Variants in QTMAN observed in about 807,000 individuals in gnomAD.
QTMAN encodes the protein queuosine-tRNA mannosyltransferase, also known as tRNA-queuosine alpha-mannosyltransferase.
the QTMAN span, among the ~76,000 whole-genome samples, chr2:144,261,337 G>C: frequency 1.9e-4 from 29 of 152,096 alleles, no homozygotes; most frequent in East Asian, 1.5e-3. Context: ...TTTCGGGGAG[G>C]GGGGGATGAT....
chr2:144,097,944 C>A, the QTMAN span, among the ~76,000 whole-genome samples: 3 of 152,334 alleles, frequency 2.0e-5, no homozygotes, highest in Admixed American at 6.5e-5. Flanking sequence ...TCTCTAAGTC[C>A]TCCATGCGGT....
the QTMAN span, among the ~76,000 whole-genome samples, chr2:144,239,594 T>A: frequency 6.6e-6 from 1 of 152,208 alleles, no homozygotes; most frequent in Non-Finnish European, 1.5e-5. Flanking sequence ...CTAAGCTTCT[T>A]TGGTTAGGGG....
chr2:144,104,167 G>A, the QTMAN span, among the ~76,000 whole-genome samples: 1 of 152,002 alleles, frequency 6.6e-6, no homozygotes, highest in Non-Finnish European at 1.5e-5. Context: ...CCAGTCTACA[G>A]CTCCCAGCGT....
chr2:144,221,312 A>C, the QTMAN span, among the ~76,000 whole-genome samples: 2 of 152,238 alleles, frequency 1.3e-5, no homozygotes, highest in African/African-American at 4.8e-5. Context: ...TCTTTACTGC[A>C]GTCTTTCCCC....
chr2:144,265,682 G>A, the QTMAN span, among the ~76,000 whole-genome samples: 2 of 152,100 alleles, frequency 1.3e-5, no homozygotes, highest in East Asian at 1.9e-4. Flanking sequence ...GCAACAGGGC[G>A]AGACTCCGTC....
At chr2:144,277,650 C>A in the QTMAN span, among the ~76,000 whole-genome samples, 1 of 152,190 alleles carries the variant, frequency 6.6e-6, no homozygotes, top group East Asian at 1.9e-4. Flanking sequence ...GCTTCACCTA[C>A]AAAATTTTTT....
chr2:144,087,669 A>T, the QTMAN span, among the ~76,000 whole-genome samples: 1 of 152,130 alleles, frequency 6.6e-6, no homozygotes, highest in Non-Finnish European at 1.5e-5. Context: ...ATCAATAAAC[A>T]TCATATATCA....
the QTMAN span, among the ~76,000 whole-genome samples, chr2:144,122,632 A>G: frequency 6.6e-6 from 1 of 152,122 alleles, no homozygotes; most frequent in Non-Finnish European, 1.5e-5. Context: ...ACAACCCTCC[A>G]AAAAACTCTC....
the QTMAN span, among the ~76,000 whole-genome samples, chr2:144,234,528 G>C: frequency 6.6e-6 from 1 of 152,272 alleles, no homozygotes; most frequent in African/African-American, 2.4e-5. Flanking sequence ...TCTAGAAGCA[G>C]TATGCTTCTC....
chr2:144,191,805 A>G, the QTMAN span, among the ~76,000 whole-genome samples: 1 of 152,198 alleles, frequency 6.6e-6, no homozygotes, highest in Non-Finnish European at 1.5e-5. Flanking sequence ...TATACTTTGT[A>G]TATTTGCTTT....
the QTMAN span, among the ~76,000 whole-genome samples, chr2:144,267,642 T>C: frequency 6.6e-6 from 1 of 152,216 alleles, no homozygotes; most frequent in Admixed American, 6.5e-5. Flanking sequence ...ACAAACTTTA[T>C]CTCAAGAAAG....
chr2:144,169,805 T>C, the QTMAN span, among the ~76,000 whole-genome samples: 1 of 152,064 alleles, frequency 6.6e-6, no homozygotes, highest in Non-Finnish European at 1.5e-5. Context: ...TTACACTATA[T>C]CAAATCCCTC....
the QTMAN span, among the ~76,000 whole-genome samples, chr2:144,297,534 G>GTCT: frequency 6.7e-6 from 1 of 148,468 alleles, no homozygotes; most frequent in Non-Finnish European, 1.5e-5. Flanking sequence ...TGGGCGTGGT[G>GTCT]TCTCATGCCT....
At chr2:143,943,677 A>G in the QTMAN span, 6 of 152,354 alleles carry the variant, frequency 3.9e-5, no homozygotes, top group Non-Finnish European at 8.8e-5. Context: ...TAATCTCTGC[A>G]GCCCTCTATG....
the QTMAN span, among the ~76,000 whole-genome samples, chr2:144,078,589 AG>A: frequency 6.6e-6 from 1 of 152,346 alleles, no homozygotes; most frequent in Admixed American, 6.5e-5. Flanking sequence ...TGCAAGTCAA[AG>A]GGTAGAAAAA....
chr2:144,149,206 G>A, the QTMAN span, among the ~76,000 whole-genome samples: 1 of 151,816 alleles, frequency 6.6e-6, no homozygotes, highest in Non-Finnish European at 1.5e-5. Context: ...CTAACAAGGT[G>A]CATTTTATCA....
chr2:144,233,639 A>G, the QTMAN span, among the ~76,000 whole-genome samples: 1 of 152,162 alleles, frequency 6.6e-6, no homozygotes, highest in Non-Finnish European at 1.5e-5. Flanking sequence ...CGCTCAATTG[A>G]GACAGTGTAG....
chr2:144,017,193 C>T, the QTMAN span, among the ~76,000 whole-genome samples: 779 of 151,974 alleles, frequency 5.1e-3, 6 homozygotes, highest in African/African-American at 0.017. Flanking sequence ...TTAGTAGAGA[C>T]GGGGTTTCAC....
chr2:144,259,716 T>C, the QTMAN span, among the ~76,000 whole-genome samples: 7 of 152,258 alleles, frequency 4.6e-5, no homozygotes, highest in East Asian at 1.2e-3. Flanking sequence ...ACAGGCCAAT[T>C]TGATTTTACT....
Sources: allele counts gnomAD v4.1 joint callset (sites outside exome capture counted in the v4.1 genomes callset), GRCh38; gene constraint gnomAD v4.1.1; transcripts MANE v1.5; gene names NCBI Gene and HGNC (gene_info 2026-07-23, HGNC 2026-07-21).